The following MYCBP2 variants were observed in gnomAD, a reference collection of about 807,000 sequenced individuals.
MYCBP2 encodes E3 ubiquitin-protein ligase MYCBP2.
Under a neutral mutation model 525.3 loss-of-function variants are expected in MYCBP2, and 120 were observed. The ratio of observed to expected loss-of-function variants is 0.23; its 90% confidence interval spans 0.20 to 0.27. The LOEUF is 0.27. Ranked by LOEUF, MYCBP2 falls within the 10% of genes least tolerant of loss-of-function variation. MYCBP2 has a pLI of 1.00. For synonymous variants in MYCBP2, 1,894 were observed against 1,955.8 expected (o/e 0.97, Z 0.83); for missense variants, 4,149 against 5,657.1 (o/e 0.73, Z 8.55).
At chr13:77,294,104 C>CCATATATATATATATATATA (rs1297038387) in intron 2 of MYCBP2, among the ~76,000 whole-genome samples, 2 of 41,910 alleles carry the variant, frequency 4.8e-5, no homozygotes, top group African/African-American at 1.4e-4. Flanking sequence ...GATATAATGG[C>CCATATATATATATATATATA]TATATATATA....
At chr13:77,245,869 T>C (rs2069830862) in intron 15 of MYCBP2, among the ~76,000 whole-genome samples, 1 of 151,242 alleles carries the variant, frequency 6.6e-6, no homozygotes, top group Non-Finnish European at 1.5e-5. Flanking sequence ...CACACACATA[T>C]ATATACACAC....
At position 77,061,318 on chromosome 13, in the gene MYCBP2, G is replaced by C; in HGVS notation, c.12904-17C>G. 2 of 1,578,422 alleles carry C rather than the reference G, an allele frequency of 1.3e-6. No homozygotes were observed. The highest frequency in any genetic ancestry group is 2.4e-5 in the South Asian group (2 of 84,726). ...TTTGAAGACCTATTATTTCATTAAA[G>C]AACAGGGAAAAATATGCTTATTTAT... On this transcript the variant is annotated splice_polypyrimidine_tract_variant and intron_variant, in intron 75 of 82. Coordinates refer to ENST00000544440, the MANE Select transcript of MYCBP2 (RefSeq NM_015057.5).
Position 77,211,154 on chromosome 13 carries a change from C to A in MYCBP2, c.3416+13G>T. The A allele has an allele frequency of 7.0e-7, 1 of 1,422,204 alleles. No homozygotes were observed. The highest frequency in any genetic ancestry group is 1.8e-5 in the South Asian group (1 of 54,480). 88.1% of individuals were successfully genotyped at this position (1,422,204 alleles called of 1,614,324 possible). A position where few individuals can be genotyped will look rare whatever the true frequency, so the allele number is the denominator to read the frequency against. On this transcript the variant is annotated intron_variant, in intron 23 of 82. Coordinates refer to ENST00000544440, the MANE Select transcript of MYCBP2 (RefSeq NM_015057.5). ...CAAAACTTATTGACTATTTTATAAA[C>A]TGAGATGCTTACCTCCAAATTACAT...
At chr13:77,278,607 TG>T in intron 4 of MYCBP2, 150 bp downstream of exon 4, 1 of 527,226 alleles carries the variant, frequency 1.9e-6, no homozygotes, top group Non-Finnish European at 3.0e-6. Context: ...GAATAAAATG[TG>T]GACTAATTAA....
At chr13:77,295,604 T>C (rs1008934523) in intron 2 of MYCBP2, among the ~76,000 whole-genome samples, 1 of 152,230 alleles carries the variant, frequency 6.6e-6, no homozygotes, top group Non-Finnish European at 1.5e-5. Flanking sequence ...GCCTCTATAG[T>C]TGCTATACAG....
At chr13:77,062,563 G>T in intron 74 of MYCBP2, 33 bp downstream of exon 74, 1 of 1,564,646 alleles carries the variant, frequency 6.4e-7, no homozygotes, top group Non-Finnish European at 8.8e-7. Flanking sequence ...GTAAAGGAAA[G>T]CAAGATAAAT....
At chr13:77,218,299 T>G (rs1301405365) in intron 20 of MYCBP2, among the ~76,000 whole-genome samples, 1 of 152,222 alleles carries the variant, frequency 6.6e-6, no homozygotes, top group Non-Finnish European at 1.5e-5. Context: ...AAATAATTAT[T>G]GGATGAAATA....
intron 60 of MYCBP2, 103 bp downstream of exon 60, chr13:77,090,003 T>G: frequency 9.9e-7 from 1 of 1,008,342 alleles, no homozygotes; most frequent in Non-Finnish European, 1.4e-6. Flanking sequence ...ATCCCATGCC[T>G]TTTCCTTCAA....
chr13:77,135,617 G>T (rs2154177849), intron 52 of MYCBP2, among the ~76,000 whole-genome samples: 1 of 152,260 alleles, frequency 6.6e-6, no homozygotes. Flanking sequence ...TCCCAGATCT[G>T]TTTAGAGCCC....
chr13:77,269,726 T>C (rs1341306182), intron 7 of MYCBP2, among the ~76,000 whole-genome samples: 1 of 152,148 alleles, frequency 6.6e-6, no homozygotes, highest in African/African-American at 2.4e-5. Flanking sequence ...TAATCCCATA[T>C]TAAAGCTAAA....
intron 69 of MYCBP2, among the ~76,000 whole-genome samples, chr13:77,069,868 G>GA (rs976477032): frequency 6.2e-4 from 88 of 141,500 alleles, no homozygotes; most frequent in Admixed American, 7.8e-4. Flanking sequence ...ACTCCCTCTC[G>GA]AAAAAAAAAA....
At chr13:77,050,346 T>C (rs1428599876) in intron 82 of MYCBP2, among the ~76,000 whole-genome samples, 1 of 152,158 alleles carries the variant, frequency 6.6e-6, no homozygotes, top group Non-Finnish European at 1.5e-5. Flanking sequence ...ATTTCAGATA[T>C]ATCTTATGTA....
At chr13:77,242,784 G>A (rs905877814) in intron 17 of MYCBP2, among the ~76,000 whole-genome samples, 1 of 152,210 alleles carries the variant, frequency 6.6e-6, no homozygotes, top group Non-Finnish European at 1.5e-5. Context: ...ATAGTAGGCA[G>A]ATGGCACAGT....
chr13:77,164,962 A>G (rs1391933028), intron 42 of MYCBP2, among the ~76,000 whole-genome samples: 1 of 152,224 alleles, frequency 6.6e-6, no homozygotes, highest in Non-Finnish European at 1.5e-5. Context: ...TTCATGTATT[A>G]AAAGTAGCAA....
intron 55 of MYCBP2, among the ~76,000 whole-genome samples, chr13:77,115,944 A>G (rs2049673801): frequency 6.6e-6 from 1 of 151,620 alleles, no homozygotes; most frequent in Non-Finnish European, 1.5e-5. Flanking sequence ...TTAAAAATAT[A>G]TATATATTAA....
At chr13:77,055,865 T>A in intron 79 of MYCBP2, 98 bp from the exon 80 acceptor site, 1 of 769,172 alleles carries the variant, frequency 1.3e-6, no homozygotes, top group East Asian at 2.6e-5. Context: ...TGCTAGAAGA[T>A]AACCAGACAG....
Position 77,077,267 on chromosome 13 carries a change from CTT to C in MYCBP2, c.11603_11604del (p.Lys3868SerfsTer8). 1 of 1,614,020 alleles carries C rather than the reference CTT, an allele frequency of 6.2e-7. No homozygotes were observed. The highest frequency in any genetic ancestry group is 8.5e-7 in the Non-Finnish European group (1 of 1,179,956). On this transcript the variant is annotated frameshift_variant, in exon 67 of 83. Coordinates refer to ENST00000544440, the MANE Select transcript of MYCBP2 (RefSeq NM_015057.5). LOFTEE classifies it high-confidence loss of function. ...PENTLRVRQVKVLGWKDGEST... is the reference protein window; with the variant it reads ...PENTLRVRQVXVLGWKDGEST... ...CTTTCACCATCTTTCCAGCCCAGGA[CTT>C]TGACTTGTCGAACTCTCAGTGTATT... is the stretch of plus-strand genomic sequence containing the variant.
intron 52 of MYCBP2, chr13:77,129,034 T>A: frequency 2.6e-6 from 1 of 390,068 alleles, no homozygotes; most frequent in Non-Finnish European, 4.5e-6. Context: ...CAGCACTTCA[T>A]ATAGATCTTT....
chr13:77,164,730 G>C (rs2058339119), intron 42 of MYCBP2, among the ~76,000 whole-genome samples, 189 bp from the exon 43 acceptor site: 1 of 152,208 alleles, frequency 6.6e-6, no homozygotes, highest in Non-Finnish European at 1.5e-5. Flanking sequence ...TAAGGTTCAG[G>C]TTTAAAGGTT....
Sources: allele counts gnomAD v4.1 joint callset (sites outside exome capture counted in the v4.1 genomes callset), GRCh38; gene constraint gnomAD v4.1.1; transcripts MANE v1.5; gene names NCBI Gene and HGNC (gene_info 2026-07-23, HGNC 2026-07-21).